Variants in MPPED2 observed in about 807,000 individuals in gnomAD.
MPPED2 encodes metallophosphoesterase domain containing 2, also known as metallophosphoesterase MPPED2.
Under a neutral mutation model 33.0 loss-of-function variants are expected in MPPED2, and 5 were observed. That is an observed-to-expected ratio of 0.15 (90% CI 0.08 to 0.32). The LOEUF (loss-of-function observed/expected upper bound fraction) is 0.32, where lower values mean the gene tolerates loss of function less well. MPPED2 is among the 10% of genes least tolerant of loss of function. MPPED2 has a pLI of 1.00. For missense variants in MPPED2, 275 were observed against 372.1 expected (o/e 0.74, Z 2.15); for synonymous variants, 136 against 141.9 (o/e 0.96, Z 0.29).
At chr11:30,494,575 T>C (rs1952145876) in intron 4 of MPPED2, among the ~76,000 whole-genome samples, 2 of 151,726 alleles carry the variant, frequency 1.3e-5, no homozygotes, top group South Asian at 4.2e-4. Context: ...CCGTCTCTAC[T>C]AAAAATATGA....
At chr11:30,487,988 G>A (rs962320198) in intron 4 of MPPED2, among the ~76,000 whole-genome samples, 19 of 151,856 alleles carry the variant, frequency 1.3e-4, no homozygotes, top group East Asian at 1.9e-4. Flanking sequence ...CTCAGGCCAC[G>A]GAGTAGACAG....
chr11:30,437,732 A>G (rs938221586), intron 4 of MPPED2, among the ~76,000 whole-genome samples: 44 of 152,160 alleles, frequency 2.9e-4, no homozygotes, highest in Non-Finnish European at 4.7e-4. Flanking sequence ...TTAACCCTGG[A>G]AAATCAAGAG....
Position 30,403,434 on chromosome 11 carries a change from T to G in MPPED2, c.766+10794A>C, listed in dbSNP as rs1203771453. 2.0e-5 allele frequency among the ~76,000 whole-genome samples: 3 copies of G among 152,202 alleles called. No homozygotes were observed. The East Asian group carries it at 5.8e-4, about 29-fold the overall frequency. ...ACTTTAATGCAGAAACAATGTGTGA[T>G]GAGTATTGTTATTTTTCTTGTTCCT... On this transcript the variant is annotated intron_variant, in intron 6 of 6. Transcript: ENST00000448418.
At chr11:30,451,867 G>C (rs1950078761) in intron 4 of MPPED2, 2 of 984,826 alleles carry the variant, frequency 2.0e-6, no homozygotes, top group Middle Eastern at 5.2e-4. Flanking sequence ...GGAGACAGCA[G>C]ACCTATGCCC....
intron 3 of MPPED2, among the ~76,000 whole-genome samples, chr11:30,495,917 A>G (rs1245288296): frequency 6.6e-6 from 1 of 152,200 alleles, no homozygotes; most frequent in African/African-American, 2.4e-5. Flanking sequence ...CTAACCAACT[A>G]TTCTTAACAA....
At chr11:30,419,750 A>G (rs1318823223) in intron 4 of MPPED2, among the ~76,000 whole-genome samples, 1 of 152,150 alleles carries the variant, frequency 6.6e-6, no homozygotes, top group East Asian at 1.9e-4. Context: ...GGGATCCTGA[A>G]TCTTAAGACT....
At chr11:30,468,117 G>A (rs1950791376) in intron 4 of MPPED2, among the ~76,000 whole-genome samples, 1 of 151,976 alleles carries the variant, frequency 6.6e-6, no homozygotes, top group Non-Finnish European at 1.5e-5. Context: ...TGTACCACCT[G>A]TACTAATATT....
chr11:30,522,486 G>A (rs1433695497), intron 3 of MPPED2, among the ~76,000 whole-genome samples: 2 of 151,930 alleles, frequency 1.3e-5, no homozygotes, highest in Non-Finnish European at 2.9e-5. Context: ...TCTGTGTGAC[G>A]GGTATATGAG....
At chr11:30,535,261 G>A (rs1382755841) in intron 3 of MPPED2, among the ~76,000 whole-genome samples, 1 of 152,000 alleles carries the variant, frequency 6.6e-6, no homozygotes, top group African/African-American at 2.4e-5. Flanking sequence ...CCAGAGTGAC[G>A]TCTGCTCTTT....
downstream of MPPED2, among the ~76,000 whole-genome samples, chr11:30,407,129 G>C (rs1228812797): frequency 6.6e-6 from 1 of 152,194 alleles, no homozygotes; most frequent in Non-Finnish European, 1.5e-5. Flanking sequence ...TTAAATGATG[G>C]AGATGAAGGC....
At chr11:30,420,399 T>C (rs597053) in intron 4 of MPPED2, among the ~76,000 whole-genome samples, 31,889 of 152,238 alleles carry the variant, frequency 0.21, 4,178 homozygotes, top group Non-Finnish European at 0.3. Context: ...TGCTGACACC[T>C]GGATTTTAGT....
intron 2 of MPPED2, among the ~76,000 whole-genome samples, chr11:30,579,613 A>G (rs1324645459): frequency 1.3e-5 from 2 of 152,168 alleles, no homozygotes; most frequent in African/African-American, 4.8e-5. Context: ...CATGACTTAA[A>G]TAGTATTAGG....
chr11:30,400,313 CA>C (rs1947892854), intron 6 of MPPED2, among the ~76,000 whole-genome samples: 1 of 151,924 alleles, frequency 6.6e-6, no homozygotes. Context: ...TGGCCTCAAG[CA>C]ATCCTCCCAC....
downstream of MPPED2, among the ~76,000 whole-genome samples, chr11:30,409,040 G>A (rs192256008): frequency 2.0e-3 from 302 of 152,284 alleles, no homozygotes; most frequent in African/African-American, 6.9e-3. Flanking sequence ...AGTACACTGG[G>A]TAGCTTCCTG....
intron 3 of MPPED2, among the ~76,000 whole-genome samples, chr11:30,510,014 G>A (rs1390804969): frequency 6.6e-6 from 1 of 152,188 alleles, no homozygotes; most frequent in African/African-American, 2.4e-5. Flanking sequence ...TCTAAAGACT[G>A]TGCCTACAAT....
Position 30,495,371 on chromosome 11 carries a change from G to A in MPPED2, c.461C>T (p.Ser154Phe), listed in dbSNP as rs745317470. 1 of 1,614,142 alleles carries A rather than the reference G, an allele frequency of 6.2e-7. No homozygotes were observed. The highest frequency in any genetic ancestry group is 8.5e-7 in the Non-Finnish European group (1 of 1,180,000). The change falls in exon 4 of 7, where the codon TCC (serine) becomes TTC (phenylalanine). Residue 154 changes from serine (S) to phenylalanine (F), a missense_variant. Coordinates refer to ENST00000358117, the MANE Select transcript of MPPED2 (RefSeq NM_001584.3). ...TAAGTAAATACTGTTTGTCAGGAGG[G>A]ACTGAACATTGTCAAAGTCCTCTGG... Reference protein sequence around the residue: ...LKPEDFDNVQSLLTNSIYLQD... With the variant: ...LKPEDFDNVQFLLTNSIYLQD...
chr11:30,478,519 A>T (rs1461034197), intron 4 of MPPED2, among the ~76,000 whole-genome samples: 3 of 152,126 alleles, frequency 2.0e-5, no homozygotes, highest in African/African-American at 2.4e-5. Context: ...TTACTCATAA[A>T]TGGAAAAATA....
At chr11:30,562,427 A>G (rs566332711) in intron 2 of MPPED2, among the ~76,000 whole-genome samples, 4 of 152,274 alleles carry the variant, frequency 2.6e-5, no homozygotes, top group African/African-American at 9.6e-5. Context: ...GCTTTCCATC[A>G]CAGGCTGCCT....
intron 3 of MPPED2, among the ~76,000 whole-genome samples, chr11:30,518,096 T>C (rs1417180814): frequency 6.6e-6 from 1 of 152,168 alleles, no homozygotes; most frequent in Admixed American, 6.5e-5. Context: ...CAAGAGTTTA[T>C]GGTAGATTAT....
Sources: allele counts gnomAD v4.1 joint callset (sites outside exome capture counted in the v4.1 genomes callset), GRCh38; gene constraint gnomAD v4.1.1; transcripts MANE v1.5; gene names NCBI Gene and HGNC (gene_info 2026-07-23, HGNC 2026-07-21).